ZNF160: variants seen among roughly 807,000 people sequenced by gnomAD.
ZNF160 encodes KRAB zinc finger protein KR18.
A neutral mutation model predicts 13.1 loss-of-function variants in ZNF160; 9 were observed. The observed-to-expected ratio is 0.69, with a 90% CI of 0.41 to 1.20. The LOEUF (loss-of-function observed/expected upper bound fraction) is 1.20. ZNF160 is among the 50% of genes most tolerant of loss of function. The pLI, the probability that ZNF160 is intolerant of heterozygous loss-of-function variation, is 0.01. For missense variants in ZNF160, 838 were observed against 988.0 expected (o/e 0.85, Z 2.04); for synonymous variants, 293 against 333.2 (o/e 0.88, Z 1.31).
Position 53,066,629 on chromosome 19 carries a change from CTATTT to C in ZNF160, c.*1443_*1447del, listed in dbSNP as rs960774944. 2.0e-5 allele frequency: 3 copies of C among 152,164 alleles called. No homozygotes were observed. Among genetic ancestry groups the C allele is most frequent in the South Asian group, 2.1e-4 (1 of 4,826 alleles). 9.4% of individuals were successfully genotyped at this position (152,164 alleles called of 1,614,324 possible). ...GATTCATTCATAGAGAAAAACCATT[CTATTT>C]TATTAGTTAAAACATTATATCTATG... On this transcript the variant is annotated 3_prime_UTR_variant, in exon 6 of 6. Transcript: ENST00000683776.
rs764981514 is a variant in ZNF160, at chr19:53,086,327, G to A, written c.-45-6C>T. On this transcript the variant is annotated splice_region_variant and splice_polypyrimidine_tract_variant and intron_variant, in intron 2 of 5. Transcript: ENST00000683776. ...CTCTTCTTCCAGACTTCTTCCTTGG[G>A]TAACATAAAAGAGTCTTTAGAAGTC... 2.6e-6 allele frequency: 4 copies of A among 1,561,952 alleles called. No homozygotes were observed. The South Asian group carries it at 3.7e-5, about 14-fold the overall frequency.
In ZNF160 at chr19:53,096,171, A is replaced by C. The variant is rs2085226451; in HGVS notation, c.-353-4451T>G. Among the ~76,000 whole-genome samples, 4 of 152,236 alleles carry C rather than the reference A, an allele frequency of 2.6e-5. No homozygotes were observed. The South Asian group carries it at 8.3e-4, about 31-fold the overall frequency. ...GAGACAGAGGTTGCAGTGAGCTGAG[A>C]TCGCACCACTGCACTCCAGCCTGGG... On this transcript the variant is annotated intron_variant, in intron 1 of 5. Coordinates refer to ENST00000683776, the MANE Select transcript of ZNF160 (RefSeq NM_001322131.2).
intron 5 of ZNF160, among the ~76,000 whole-genome samples, chr19:53,071,694 A>G (rs2084183760): frequency 1.3e-5 from 2 of 152,240 alleles, no homozygotes; most frequent in Admixed American, 6.6e-5. Context: ...CGGGCAGCCT[A>G]GATTCAAACT....
intron 1 of ZNF160, among the ~76,000 whole-genome samples, chr19:53,098,631 G>A (rs2085325148): frequency 1.3e-5 from 2 of 151,976 alleles, no homozygotes; most frequent in South Asian, 4.1e-4. Flanking sequence ...ACAGTCCCCT[G>A]CAAAATTCCC....
chr19:53,089,100 C>T (rs2084945535), intron 2 of ZNF160, among the ~76,000 whole-genome samples: 1 of 152,138 alleles, frequency 6.6e-6, no homozygotes, highest in African/African-American at 2.4e-5. Flanking sequence ...TTACTACAAC[C>T]TGAGGAGGGG....
At chr19:53,083,709 G>A (rs2084721456) in intron 3 of ZNF160, among the ~76,000 whole-genome samples, 1 of 152,132 alleles carries the variant, frequency 6.6e-6, no homozygotes, top group African/African-American at 2.4e-5. Flanking sequence ...AGACCAGCCT[G>A]GGCAACATAG....
intron 1 of ZNF160, chr19:53,093,470 G>A (rs2085110174): frequency 6.6e-6 from 1 of 152,120 alleles, no homozygotes; most frequent in African/African-American, 2.4e-5. Context: ...AAGGATGGAA[G>A]GGGGAGGCTT....
In ZNF160 at chr19:53,070,170, C is replaced by T. The variant is rs371579984; in HGVS notation, c.364G>A (p.Glu122Lys). 3.3e-5 allele frequency: 54 copies of T among 1,613,926 alleles called. No homozygotes were observed. Among genetic ancestry groups the T allele is most frequent in the African/African-American group, 1.7e-4 (13 of 74,918 alleles). Residue 122 changes from glutamate (E) to lysine (K), a missense_variant, in exon 6 of 6, where the codon GAA becomes AAA. Physicochemically the swap from Glu to Lys is moderately conservative, Grantham distance 56 (BLOSUM62 1). Transcript: ENST00000683776. ...VFHTVVLERH[E>K]SPDIEDFSFK... ...GAAAAGTCTTCAATGTCAGGGCTTT[C>T]GTGTCTTTCCAACACCACTGTGTGG...
chr19:53,071,572 A>T (rs956459008), intron 5 of ZNF160, among the ~76,000 whole-genome samples: 44 of 149,884 alleles, frequency 2.9e-4, no homozygotes, highest in African/African-American at 1.0e-3. Context: ...CTGAGGCATG[A>T]GGATTGCCTT....
intron 2 of ZNF160, among the ~76,000 whole-genome samples, chr19:53,088,195 A>G (rs926988539): frequency 2.0e-5 from 3 of 152,210 alleles, no homozygotes; most frequent in Non-Finnish European, 4.4e-5. Flanking sequence ...CATAAAAGCC[A>G]AGATAACAGA....
At chr19:53,094,816 G>C (rs1415498529) in intron 1 of ZNF160, among the ~76,000 whole-genome samples, 1 of 152,166 alleles carries the variant, frequency 6.6e-6, no homozygotes, top group East Asian at 1.9e-4. Context: ...TATTTTAGCA[G>C]TGCAATGCTG....
chr19:53,074,378 A>C, intron 4 of ZNF160, 110 bp from the exon 5 acceptor site: 1 of 1,486,998 alleles, frequency 6.7e-7, no homozygotes, highest in Non-Finnish European at 8.9e-7. Flanking sequence ...TCAAAAATTC[A>C]TCCACTGGGC....
intron 3 of ZNF160, among the ~76,000 whole-genome samples, chr19:53,079,763 C>A (rs555517027): frequency 3.4e-5 from 5 of 148,254 alleles, no homozygotes; most frequent in Admixed American, 2.7e-4. Flanking sequence ...CTAGCCAGAG[C>A]AATCAGGCGA....
chr19:53,083,124 T>C (rs1412249420), intron 3 of ZNF160, among the ~76,000 whole-genome samples: 3 of 152,224 alleles, frequency 2.0e-5, no homozygotes, highest in African/African-American at 7.2e-5. Context: ...TCACCTAAAC[T>C]GAAGCTCTCT....
At chr19:53,099,878 T>C (rs530363790) in intron 1 of ZNF160, among the ~76,000 whole-genome samples, 21 of 152,308 alleles carry the variant, frequency 1.4e-4, no homozygotes, top group African/African-American at 4.8e-4. Flanking sequence ...AATTAGAAGA[T>C]GTATCTGACT....
chr19:53,094,993 C>T (rs1310166285), intron 1 of ZNF160, among the ~76,000 whole-genome samples: 1 of 151,720 alleles, frequency 6.6e-6, no homozygotes, highest in Non-Finnish European at 1.5e-5. Flanking sequence ...TCTTCCAGCC[C>T]TTTCCCGTTG....
At chr19:53,102,369 C>T (rs533433624) in intron 1 of ZNF160, among the ~76,000 whole-genome samples, 2 of 152,278 alleles carry the variant, frequency 1.3e-5, no homozygotes, top group Admixed American at 1.3e-4. Context: ...CGCCTTGTCA[C>T]CAGCTGTCCC....
In ZNF160 at chr19:53,074,158, C is replaced by A. The variant is rs778891940; in HGVS notation, c.253G>T (p.Val85Phe). The A allele has an allele frequency of 1.7e-5, 28 of 1,613,906 alleles. No individual in the cohort carries two copies. The Admixed American group carries it at 4.3e-4, about 25-fold the overall frequency. ...CTCTTACCTGTGACCACGCCTTTGA[C>A]ACATTCCGGCGTTCTTGGTTTTCTT... The part of the protein sequence containing the change: ...IARKPRTPEC[V>F]KGVVTDIPPK... Residue 85 changes from valine (V) to phenylalanine (F), a missense_variant, in exon 5 of 6, where the codon GTC (valine) becomes TTC (phenylalanine). This residue lies in a region of ZNF160 where 387 missense variants were observed against 402.3 expected (regional missense o/e 0.96). Transcript: ENST00000683776.
chr19:53,097,566 G>A (rs1323864163), intron 1 of ZNF160, among the ~76,000 whole-genome samples: 3 of 152,070 alleles, frequency 2.0e-5, no homozygotes, highest in African/African-American at 7.2e-5. Context: ...CACTGACCCA[G>A]GGCAACGTAT....
Sources: allele counts gnomAD v4.1 joint callset (sites outside exome capture counted in the v4.1 genomes callset), GRCh38; gene constraint gnomAD v4.1.1; regional missense constraint gnomAD v4.1.1; transcripts MANE v1.5; gene names NCBI Gene and HGNC (gene_info 2026-07-23, HGNC 2026-07-21).